Variants in CALB2 observed in about 807,000 individuals in gnomAD.
CALB2 encodes the protein calretinin.
A neutral mutation model predicts 45.9 loss-of-function variants in CALB2; 34 were observed. The observed-to-expected ratio is 0.74, with a 90% CI of 0.56 to 0.99. The LOEUF (loss-of-function observed/expected upper bound fraction) is 0.99. Among genes scored for constraint, CALB2 ranks in the 50% least tolerant of loss-of-function variants. The pLI is 0.00. For synonymous variants in CALB2, 142 were observed against 129.6 expected, an observed-to-expected ratio of 1.10 and a Z score of -0.65; for missense variants, 344 against 339.3, an observed-to-expected ratio of 1.01 and a Z score of -0.11.
At chr16:71,361,898 G>A (rs961512850) in intron 1 of CALB2, among the ~76,000 whole-genome samples, 4 of 152,142 alleles carry the variant, frequency 2.6e-5, no homozygotes, top group African/African-American at 9.7e-5. Context: ...AGAGGTGAAG[G>A]GGGAACCAGG....
chr16:71,382,303 TCCTGTGG>T (rs1268138763), intron 4 of CALB2, among the ~76,000 whole-genome samples: 2 of 152,168 alleles, frequency 1.3e-5, no homozygotes, highest in African/African-American at 4.8e-5. Context: ...CCACTGCCCC[TCCTGTGG>T]CTTTCTCTCT....
chr16:71,384,905 C>T lies in CALB2; in HGVS notation c.627+69C>T, dbSNP rs145223391. 4.9e-5 allele frequency: 66 copies of T among 1,345,902 alleles called. No individual in the cohort carries two copies. In the African/African-American group the frequency reaches 9.1e-4, roughly 18 times the overall value. The allele number at this position is 1,345,902 out of a possible 1,614,324, so 83.4% of individuals were successfully genotyped here. On this transcript the variant is annotated intron_variant, in intron 9 of 10. Transcript: ENST00000302628. ...CAGCCCGTCCAGAAGGGCTCAGCTTCATCCCTGGGAAGAGACAGCTTTCCA... is the reference window on the plus strand; with the variant it reads ...CAGCCCGTCCAGAAGGGCTCAGCTTTATCCCTGGGAAGAGACAGCTTTCCA...
intron 8 of CALB2, among the ~76,000 whole-genome samples, 184 bp downstream of exon 8, chr16:71,384,562 C>T (rs1399443819): frequency 1.4e-5 from 2 of 138,632 alleles, no homozygotes; most frequent in South Asian, 2.4e-4. Context: ...AGACCACACA[C>T]ACCACATACA....
At chr16:71,382,124 A>AG (rs199939155) in intron 4 of CALB2, among the ~76,000 whole-genome samples, 3 of 34,372 alleles carry the variant, frequency 8.7e-5, no homozygotes, top group Non-Finnish European at 2.5e-4. Flanking sequence ...AAAGGAAGAA[A>AG]AAGGAAGGAA....
Position 71,385,632 on chromosome 16 carries a change from A to G in CALB2, c.683A>G (p.Tyr228Cys). 6.2e-7 allele frequency: 1 copy of G among 1,613,958 alleles called. No individual in the cohort carries two copies. Among genetic ancestry groups the G allele is most frequent in the Non-Finnish European group, 8.5e-7 (1 of 1,179,978 alleles). ...HELDALLKDL[Y>C]EKNKKEMNIQ... is the part of the protein sequence containing the mutation. ...CTGGATGCCCTTTTGAAGGATCTGTACGAGAAAAACAAAAAGGTGAGCAGC... is the reference window on the plus strand; with the variant it reads ...CTGGATGCCCTTTTGAAGGATCTGTGCGAGAAAAACAAAAAGGTGAGCAGC... Residue 228 changes from tyrosine (Y) to cysteine (C), a missense_variant, in exon 10 of 11, where the codon TAC becomes TGC. By Grantham distance (194) the Tyr-to-Cys change is radical. Around this residue, in one of 3 missense-constraint regions of CALB2, gnomAD observed 263 missense variants for 241.7 expected, o/e 1.09. Transcript: ENST00000302628.
intron 2 of CALB2, among the ~76,000 whole-genome samples, chr16:71,374,147 G>T (rs188829471): frequency 6.6e-6 from 1 of 152,236 alleles, no homozygotes; most frequent in Non-Finnish European, 1.5e-5. Flanking sequence ...TGGGCTTGAA[G>T]GAATGTTTTA....
At chr16:71,364,935 T>C (rs1030794921) in intron 1 of CALB2, among the ~76,000 whole-genome samples, 2 of 152,282 alleles carry the variant, frequency 1.3e-5, no homozygotes, top group Admixed American at 1.3e-4. Context: ...TGGCTGAATC[T>C]CCTTCCCCCT....
intron 4 of CALB2, among the ~76,000 whole-genome samples, chr16:71,380,225 T>G (rs1209703641): frequency 6.6e-6 from 1 of 150,882 alleles, no homozygotes; most frequent in East Asian, 2.0e-4. Flanking sequence ...TCAAAATCAT[T>G]AGTGGCTTCT....
chr16:71,376,680 CACAT>C (rs2042417906), intron 3 of CALB2, among the ~76,000 whole-genome samples: 1 of 152,062 alleles, frequency 6.6e-6, no homozygotes, highest in African/African-American at 2.4e-5. Context: ...CACATACAAC[CACAT>C]ACATTCACAT....
At chr16:71,359,785 C>T (rs1254202819) in intron 1 of CALB2, among the ~76,000 whole-genome samples, 1 of 152,214 alleles carries the variant, frequency 6.6e-6, no homozygotes, top group East Asian at 1.9e-4. Flanking sequence ...TTCTGTTACT[C>T]CGAAAAAATA....
intron 1 of CALB2, among the ~76,000 whole-genome samples, chr16:71,365,229 C>T (rs1271920355): frequency 6.6e-6 from 1 of 152,190 alleles, no homozygotes; most frequent in African/African-American, 2.4e-5. Context: ...CCTTCTGGTG[C>T]AGCTTAACGA....
intron 1 of CALB2, 68 bp from the exon 2 acceptor site, chr16:71,372,085 G>A (rs1018689885): frequency 5.5e-6 from 6 of 1,088,294 alleles, no homozygotes; most frequent in Non-Finnish European, 6.9e-6. Flanking sequence ...CGAAGCCCCC[G>A]ACATGCCCAC....
At chr16:71,376,708 CCCACATACAA>C (rs1316862504) in intron 3 of CALB2, among the ~76,000 whole-genome samples, 12 of 151,388 alleles carry the variant, frequency 7.9e-5, no homozygotes, top group South Asian at 2.1e-4. Flanking sequence ...ACCACATGCA[CCCACATACAA>C]CCACATACAT....
intron 4 of CALB2, among the ~76,000 whole-genome samples, chr16:71,380,086 TAGAG>T (rs1197854507): frequency 3.9e-5 from 6 of 152,094 alleles, no homozygotes; most frequent in African/African-American, 1.4e-4. Flanking sequence ...CCTTTCCTGA[TAGAG>T]AGACAGCCAA....
At chr16:71,383,575 G>A (rs2144997999) in intron 6 of CALB2, 131 bp downstream of exon 6, 1 of 783,964 alleles carries the variant, frequency 1.3e-6, no homozygotes. Context: ...AGTGGCAGCT[G>A]GCAAAAAGGG....
Position 71,358,834 on chromosome 16 carries a change from C to G in CALB2, c.42C>G (p.Ala14=). 1 of 1,612,648 alleles carries G rather than the reference C, an allele frequency of 6.2e-7. No individual in the cohort carries two copies. The highest frequency in any genetic ancestry group is 8.5e-7 in the Non-Finnish European group (1 of 1,179,764). The change falls in exon 1 of 11, where the codon GCC becomes GCG. Residue 14 remains alanine, a synonymous_variant. Transcript: ENST00000302628. The part of the protein sequence containing the change: ...PQQQPPYLHL[A]ELTASQFLEI... Reference sequence around the variant, plus strand: ...AGCAGCCCCCTTACCTGCACCTGGCCGAGCTGACGGCGTCCCAGTTCCTGG... The same window carrying G: ...AGCAGCCCCCTTACCTGCACCTGGCGGAGCTGACGGCGTCCCAGTTCCTGG...
rs375167687 is a variant in CALB2, at chr16:71,374,837, G to A, written c.261+3G>A. On this transcript the variant is annotated splice_donor_region_variant and intron_variant, in intron 3 of 10. Coordinates refer to ENST00000302628, the MANE Select transcript of CALB2 (RefSeq NM_001740.5). The stretch of plus-strand genomic sequence containing the variant: ...ATGGGAAAATCGAGATGGCAGAGGT[G>A]AGCCCTGCCTCGCTGGTAAAGAGCT... 103 of 1,593,554 alleles carry A rather than the reference G, an allele frequency of 6.5e-5. No homozygotes were observed. Among genetic ancestry groups the A allele is most frequent in the Non-Finnish European group, 7.5e-5 (87 of 1,161,702 alleles).
chr16:71,385,656 G>A lies in CALB2; in HGVS notation c.699+8G>A, dbSNP rs1438575805. The A allele has an allele frequency of 6.2e-7, 1 of 1,613,166 alleles. No individual in the cohort carries two copies. Among genetic ancestry groups the A allele is most frequent in the Non-Finnish European group, 8.5e-7 (1 of 1,179,666 alleles). On this transcript the variant is annotated splice_region_variant and intron_variant, in intron 10 of 10. Transcript: ENST00000302628. ...TACGAGAAAAACAAAAAGGTGAGCA[G>A]CCAAGCCTGAGGCCCGGCCACTGTC...
chr16:71,367,255 A>G (rs1043222577), intron 1 of CALB2, among the ~76,000 whole-genome samples: 6 of 152,174 alleles, frequency 3.9e-5, no homozygotes, highest in Non-Finnish European at 5.9e-5. Context: ...ATGTGGTTTG[A>G]TAAGAAGTTA....
Sources: allele counts gnomAD v4.1 joint callset (sites outside exome capture counted in the v4.1 genomes callset), GRCh38; gene constraint gnomAD v4.1.1; regional missense constraint gnomAD v4.1.1; transcripts MANE v1.5; gene names NCBI Gene and HGNC (gene_info 2026-07-23, HGNC 2026-07-21).